BMP2K: variants seen among roughly 807,000 people sequenced by gnomAD.
The protein encoded by BMP2K is BMP-2-inducible protein kinase.
A neutral mutation model predicts 116.0 loss-of-function variants in BMP2K; 74 were observed. The ratio of observed to expected loss-of-function variants is 0.64; its 90% CI spans 0.53 to 0.77. BMP2K has a LOEUF of 0.77. Among genes scored for constraint, BMP2K ranks in the 30% least tolerant of loss-of-function variants. BMP2K has a pLI of 0.00. For missense variants in BMP2K, 1,365 were observed against 1,403.6 expected (o/e 0.97, Z 0.44); for synonymous variants, 486 against 502.5 (o/e 0.97, Z 0.44).
At position 78,865,066 on chromosome 4, in the gene BMP2K, G is replaced by A. The variant is rs762278942; in HGVS notation, c.1068-491G>A. ...GATTCAAGAAGTTGAATGTGAGCAG[G>A]TGGCATCTGTTAAAAGTTTTGGCTT... On this transcript the variant is annotated intron_variant, in intron 9 of 15. Coordinates refer to ENST00000502613, the MANE Select transcript of BMP2K (RefSeq NM_198892.2). 2.0e-4 allele frequency among the ~76,000 whole-genome samples: 30 copies of A among 152,146 alleles called. 1 individual carries two copies. Among genetic ancestry groups the A allele is most frequent in the Admixed American group, 1.0e-3 (16 of 15,280 alleles).
chr4:78,790,872 A>C (rs997437717), intron 1 of BMP2K, among the ~76,000 whole-genome samples: 1 of 152,074 alleles, frequency 6.6e-6, no homozygotes, highest in African/African-American at 2.4e-5. Flanking sequence ...CAATAATAAT[A>C]ATAATCATAA....
At chr4:78,778,908 C>T (rs935457398) in intron 1 of BMP2K, among the ~76,000 whole-genome samples, 1 of 152,162 alleles carries the variant, frequency 6.6e-6, no homozygotes, top group African/African-American at 2.4e-5. Context: ...CTAAGATAGA[C>T]CAAAGCACAG....
At chr4:78,844,810 C>T (rs181340821) in intron 4 of BMP2K, 118 bp from the exon 5 acceptor site, 16 of 820,030 alleles carry the variant, frequency 2.0e-5, no homozygotes, top group East Asian at 1.6e-4. Flanking sequence ...ATATACCCTT[C>T]GGTGTTTATT....
chr4:78,878,584 T>C, intron 13 of BMP2K, 150 bp from the exon 14 acceptor site: 1 of 651,258 alleles, frequency 1.5e-6, no homozygotes, highest in Non-Finnish European at 2.5e-6. Context: ...GTTCTCCCTC[T>C]CCATCTCATG....
chr4:78,820,952 C>G (rs1729590142), intron 1 of BMP2K: 1 of 152,358 alleles, frequency 6.6e-6, no homozygotes, highest in African/African-American at 2.4e-5. Context: ...CTTCTAGCTC[C>G]TCTGTTGAAG....
At chr4:78,833,235 C>T (rs1403058933) in intron 2 of BMP2K, among the ~76,000 whole-genome samples, 1 of 150,758 alleles carries the variant, frequency 6.6e-6, no homozygotes, top group Non-Finnish European at 1.5e-5. Flanking sequence ...AATATTGGAG[C>T]TTAGTTATTT....
intron 5 of BMP2K, among the ~76,000 whole-genome samples, chr4:78,846,270 T>C (rs1214071169): frequency 6.6e-6 from 1 of 151,590 alleles, no homozygotes; most frequent in Non-Finnish European, 1.5e-5. Flanking sequence ...GCCAACACTT[T>C]TTTGATGCTG....
In BMP2K at chr4:78,861,440, G is replaced by A. The variant is rs771191822; in HGVS notation, c.1039G>A (p.Ala347Thr). 6.2e-7 allele frequency: 1 copy of A among 1,608,340 alleles called. No individual in the cohort carries two copies. Among genetic ancestry groups the A allele is most frequent in the Admixed American group, 1.7e-5 (1 of 59,638 alleles). The stretch of plus-strand genomic sequence containing the variant: ...TGAACCGATGACTGCTAGTGAAGCA[G>A]CTGCTAGGAAAAGCCAAATAAAAGC... ...LPEPMTASEA[A>T]ARKSQIKARI... Residue 347 changes from alanine (A) to threonine (T), a missense_variant, in exon 9 of 16, where the codon GCT (alanine) becomes ACT (threonine). This residue lies in a region of BMP2K where 762 missense variants were observed against 756.7 expected (regional missense o/e 1.01). Transcript: ENST00000502613.
intron 1 of BMP2K, among the ~76,000 whole-genome samples, chr4:78,792,612 A>G (rs142351683): frequency 1.3e-5 from 2 of 152,328 alleles, no homozygotes; most frequent in East Asian, 1.9e-4. Flanking sequence ...ACAGTTCCCT[A>G]TTACTTTAAA....
chr4:78,886,604 A>G (rs140203964), intron 14 of BMP2K, among the ~76,000 whole-genome samples: 4 of 152,198 alleles, frequency 2.6e-5, no homozygotes, highest in African/African-American at 2.4e-5. Flanking sequence ...GAATGAATCA[A>G]TAAACTCTGT....
chr4:78,909,955 A>C (rs755935972), intron 15 of BMP2K, among the ~76,000 whole-genome samples: 4 of 152,208 alleles, frequency 2.6e-5, no homozygotes, highest in African/African-American at 4.8e-5. Flanking sequence ...ATTTGTTTTT[A>C]AAGGAATCTC....
intron 3 of BMP2K, among the ~76,000 whole-genome samples, chr4:78,842,065 C>T (rs1241461212): frequency 1.3e-5 from 2 of 151,936 alleles, no homozygotes; most frequent in African/African-American, 4.8e-5. Flanking sequence ...CACTGTTTAG[C>T]CCATAAATAG....
intron 15 of BMP2K, among the ~76,000 whole-genome samples, chr4:78,907,420 A>G (rs1734340786): frequency 6.6e-6 from 1 of 152,352 alleles, no homozygotes; most frequent in South Asian, 2.1e-4. Context: ...GCGAATTTAA[A>G]TTCACTTCCA....
chr4:78,894,925 C>T lies in BMP2K; in HGVS notation c.2062+7641C>T, dbSNP rs549369464. ...TGTTGTGTCTCAGGGAATAGGGAGA[C>T]CTAAGGAAAGGGAGAGAGACACGGA... On this transcript the variant is annotated intron_variant, in intron 15 of 15. Coordinates refer to ENST00000502613, the MANE Select transcript of BMP2K (RefSeq NM_198892.2). Among the ~76,000 whole-genome samples the T allele has an allele frequency of 3.0e-4, 46 of 152,092 alleles. No individual in the cohort carries two copies. In the South Asian group the frequency reaches 9.1e-3, roughly 30 times the overall value.
intron 6 of BMP2K, among the ~76,000 whole-genome samples, chr4:78,848,366 G>A (rs1485753585): frequency 1.3e-5 from 2 of 151,332 alleles, no homozygotes; most frequent in Non-Finnish European, 3.0e-5. Context: ...CTCATTGAAT[G>A]GCTTATAGTA....
chr4:78,911,202 T>C lies in BMP2K; in HGVS notation c.2655T>C (p.Phe885=). ...KNEKNLPQHR[F]PAAGLEQEEF... ...AAAAGAACCTCCCTCAACACAGGTTTCCTGCTGCAGGACTGGAGCAGGAGG... is the reference window on the plus strand; with the variant it reads ...AAAAGAACCTCCCTCAACACAGGTTCCCTGCTGCAGGACTGGAGCAGGAGG... Residue 885 remains phenylalanine, a synonymous_variant, in exon 16 of 16, where the codon TTT becomes TTC. Coordinates refer to ENST00000502613, the MANE Select transcript of BMP2K (RefSeq NM_198892.2). 6.2e-7 allele frequency: 1 copy of C among 1,613,796 alleles called. No homozygotes were observed. The highest frequency in any genetic ancestry group is 8.5e-7 in the Non-Finnish European group (1 of 1,179,796).
At chr4:78,892,532 CTTTA>C (rs1056703440) in intron 15 of BMP2K, among the ~76,000 whole-genome samples, 1 of 152,146 alleles carries the variant, frequency 6.6e-6, no homozygotes, top group African/African-American at 2.4e-5. Context: ...TTTATCTGCT[CTTTA>C]TTTATTGACA....
chr4:78,898,335 A>G (rs981506294), intron 15 of BMP2K, among the ~76,000 whole-genome samples: 1 of 152,030 alleles, frequency 6.6e-6, no homozygotes, highest in Admixed American at 6.5e-5. Context: ...TTGTCAGTCC[A>G]CTGCTGGGCC....
At chr4:78,878,087 T>C (rs1577952194) in intron 13 of BMP2K, among the ~76,000 whole-genome samples, 3 of 152,164 alleles carry the variant, frequency 2.0e-5, no homozygotes, top group Admixed American at 2.0e-4. Context: ...GGCTCCAGAC[T>C]CTAGATACTT....
Sources: allele counts gnomAD v4.1 joint callset (sites outside exome capture counted in the v4.1 genomes callset), GRCh38; gene constraint gnomAD v4.1.1; regional missense constraint gnomAD v4.1.1; transcripts MANE v1.5; gene names NCBI Gene and HGNC (gene_info 2026-07-23, HGNC 2026-07-21).